The following MBD5 variants were observed in gnomAD, a reference collection of about 807,000 sequenced individuals.
MBD5 encodes methyl-CpG binding domain protein 5.
Under a neutral mutation model 117.3 loss-of-function variants are expected in MBD5, and 13 were observed. The ratio of observed to expected loss-of-function variants is 0.11; its 90% confidence interval spans 0.07 to 0.18. The LOEUF is 0.18. Ranked by LOEUF, MBD5 falls within the 10% of genes least tolerant of loss-of-function variation. The probability of loss-of-function intolerance (pLI) is 1.00; values close to 1 mark genes in which losing one functional copy is unlikely to be tolerated. For synonymous variants in MBD5, 727 were observed against 766.4 expected, an observed-to-expected ratio of 0.95 and a Z score of 0.85; for missense variants, 1,879 against 2,093.8, an observed-to-expected ratio of 0.90 and a Z score of 2.00.
In MBD5 at chr2:148,078,510, TA is replaced by T. The variant is rs1271321179; in HGVS notation, c.-925+56828del. The stretch of plus-strand genomic sequence containing the variant: ...CCTGGCTATTGACTGTTACCATATG[TA>T]ATTCTGAGATTATCATTTAAAATCT... On this transcript the variant is annotated intron_variant, in intron 1 of 13. Coordinates refer to ENST00000642680, the MANE Select transcript of MBD5 (RefSeq NM_001378120.1). Among the ~76,000 whole-genome samples the T allele has an allele frequency of 5.5e-4, 84 of 152,206 alleles. 1 individual carries two copies.
At chr2:148,080,551 T>G (rs1695623839) in intron 1 of MBD5, among the ~76,000 whole-genome samples, 1 of 152,090 alleles carries the variant, frequency 6.6e-6, no homozygotes, top group Non-Finnish European at 1.5e-5. Context: ...GGCTTAAATC[T>G]TTTAGTATTG....
chr2:148,500,031 G>A (rs1296153282), intron 11 of MBD5, among the ~76,000 whole-genome samples: 2 of 151,844 alleles, frequency 1.3e-5, no homozygotes, highest in Non-Finnish European at 2.9e-5. Flanking sequence ...TTTCTTTTTC[G>A]AGGTCATTTA....
chr2:148,215,794 AT>A (rs1237109465), intron 2 of MBD5, among the ~76,000 whole-genome samples: 1 of 151,646 alleles, frequency 6.6e-6, no homozygotes, highest in Non-Finnish European at 1.5e-5. Flanking sequence ...AAGTGCCAGA[AT>A]TACAGGCATA....
chr2:148,030,375 A>G (rs530982864), intron 1 of MBD5, among the ~76,000 whole-genome samples: 2 of 152,302 alleles, frequency 1.3e-5, no homozygotes, highest in South Asian at 2.1e-4. Context: ...ATCCATGGAA[A>G]GATCTCTAAG....
intron 4 of MBD5, among the ~76,000 whole-genome samples, chr2:148,433,011 T>A (rs13423773): frequency 4.6e-5 from 7 of 152,220 alleles, no homozygotes; most frequent in African/African-American, 9.6e-5. Flanking sequence ...TGGAATTTTT[T>A]AAATTTGTCT....
At chr2:148,116,355 A>T (rs1696642415) in intron 1 of MBD5, among the ~76,000 whole-genome samples, 1 of 152,170 alleles carries the variant, frequency 6.6e-6, no homozygotes, top group Non-Finnish European at 1.5e-5. Context: ...TCAACAAAGA[A>T]TTCCTGAGTC....
intron 1 of MBD5, among the ~76,000 whole-genome samples, chr2:148,110,130 C>T (rs1281896290): frequency 6.6e-6 from 1 of 152,078 alleles, no homozygotes; most frequent in Non-Finnish European, 1.5e-5. Context: ...CTTTTTGTTG[C>T]TCCACAAAAG....
At chr2:148,385,163 A>C (rs1559049070) in intron 4 of MBD5, among the ~76,000 whole-genome samples, 1 of 152,212 alleles carries the variant, frequency 6.6e-6, no homozygotes, top group Admixed American at 6.5e-5. Flanking sequence ...AACTACCATC[A>C]GAGTGAACAG....
chr2:148,247,210 A>C (rs1574189894), intron 3 of MBD5, among the ~76,000 whole-genome samples: 1 of 152,242 alleles, frequency 6.6e-6, no homozygotes, highest in Non-Finnish European at 1.5e-5. Flanking sequence ...CTTTTTATTC[A>C]GTTTGTTTCT....
chr2:148,356,448 A>G (rs1703382654), intron 4 of MBD5, among the ~76,000 whole-genome samples: 1 of 152,144 alleles, frequency 6.6e-6, no homozygotes, highest in Non-Finnish European at 1.5e-5. Context: ...ACTGGACTGT[A>G]AGCTTCAAGA....
At chr2:148,414,267 G>A (rs193013300) in intron 4 of MBD5, among the ~76,000 whole-genome samples, 1 of 152,152 alleles carries the variant, frequency 6.6e-6, no homozygotes, top group African/African-American at 2.4e-5. Flanking sequence ...ATGAAATTTT[G>A]TGATTGTGAG....
At chr2:148,266,085 A>G (rs1489896810) in intron 3 of MBD5, among the ~76,000 whole-genome samples, 1 of 152,186 alleles carries the variant, frequency 6.6e-6, no homozygotes, top group Non-Finnish European at 1.5e-5. Context: ...CAAAGATAAT[A>G]CAAGAAAGAA....
At chr2:148,182,336 A>G (rs1698552564) in intron 2 of MBD5, among the ~76,000 whole-genome samples, 1 of 152,198 alleles carries the variant, frequency 6.6e-6, no homozygotes, top group Non-Finnish European at 1.5e-5. Flanking sequence ...TTATATGTAT[A>G]GAATTTCTAA....
chr2:148,513,027 A>G lies in MBD5; in HGVS notation c.*86A>G, dbSNP rs781121249. On this transcript the variant is annotated 3_prime_UTR_variant, in exon 14 of 14. Coordinates refer to ENST00000642680, the MANE Select transcript of MBD5 (RefSeq NM_001378120.1). ...TATAGGTATTGATATAGCCACAGTTATATCAATATTTAGACTATGGCAGAT... is the reference window on the plus strand; with the variant it reads ...TATAGGTATTGATATAGCCACAGTTGTATCAATATTTAGACTATGGCAGAT... 1 of 1,267,022 alleles carries G rather than the reference A, an allele frequency of 7.9e-7. No homozygotes were observed. The highest frequency in any genetic ancestry group is 1.2e-6 in the Non-Finnish European group (1 of 868,684). 78.5% of individuals were successfully genotyped at this position (1,267,022 alleles called of 1,614,324 possible). A position where few individuals can be genotyped will look rare whatever the true frequency, so the allele number is the denominator to read the frequency against.
chr2:148,064,087 A>AATCT (rs1392803412), intron 1 of MBD5, among the ~76,000 whole-genome samples: 1 of 150,894 alleles, frequency 6.6e-6, no homozygotes, highest in Non-Finnish European at 1.5e-5. Flanking sequence ...ATATAGGGTG[A>AATCT]ATCTAAAGGA....
chr2:148,040,851 G>A (rs1421508970), intron 1 of MBD5, among the ~76,000 whole-genome samples: 1 of 152,112 alleles, frequency 6.6e-6, no homozygotes, highest in Non-Finnish European at 1.5e-5. Flanking sequence ...CAAAATCTTT[G>A]AGGGTGGAGG....
chr2:148,439,318 T>C (rs1180698789), intron 4 of MBD5, among the ~76,000 whole-genome samples: 3 of 152,194 alleles, frequency 2.0e-5, no homozygotes, highest in Non-Finnish European at 4.4e-5. Context: ...GTATGCCACA[T>C]TAAGTATAAA....
chr2:148,427,352 C>G (rs567952704), intron 4 of MBD5, among the ~76,000 whole-genome samples: 2 of 152,122 alleles, frequency 1.3e-5, no homozygotes, highest in Admixed American at 6.6e-5. Context: ...CACATGCACA[C>G]GTATGTTTAC....
intron 1 of MBD5, among the ~76,000 whole-genome samples, chr2:148,121,268 A>T (rs1288211288): frequency 2.0e-5 from 3 of 152,192 alleles, no homozygotes; most frequent in Non-Finnish European, 2.9e-5. Flanking sequence ...TGTTAGTGCT[A>T]ATATACCTTG....
Sources: gnomAD v4.1 joint callset for allele counts (sites outside exome capture counted in the v4.1 genomes callset) on GRCh38, gnomAD v4.1.1 for gene constraint, MANE v1.5 for transcripts, NCBI Gene and HGNC (gene_info 2026-07-23, HGNC 2026-07-21) for gene names.